The following MEA1 variants were observed in gnomAD, a reference collection of about 807,000 sequenced individuals.
MEA1 encodes the protein male-enhanced antigen 1.
A neutral mutation model predicts 21.4 loss-of-function variants in MEA1; 22 were observed. The ratio of observed to expected loss-of-function variants is 1.03; its 90% CI spans 0.73 to 1.47. The LOEUF (loss-of-function observed/expected upper bound fraction) is 1.47, where lower values mean the gene tolerates loss of function less well. Among genes scored for constraint, MEA1 ranks in the 40% most tolerant of loss-of-function variants. The pLI, the probability that MEA1 is intolerant of heterozygous loss-of-function variation, is 0.00. For missense variants in MEA1, 233 were observed against 230.5 expected, an observed-to-expected ratio of 1.01 and a Z score of -0.07; for synonymous variants, 91 against 85.5, an observed-to-expected ratio of 1.06 and a Z score of -0.35.
Position 43,013,232 on chromosome 6 carries a change from C to A in MEA1, c.186G>T (p.Gly62=), listed in dbSNP as rs1246275169. ...GGTAGGAGTAGCCAGCTGGGCCCGA[C>A]CCCGTTTCCTCCTGCTCTTCCTCAG... is the stretch of plus-strand genomic sequence containing the variant. ...EEPEEEQEET[G]SGPAGYSYQP... Residue 62 remains glycine (G), a synonymous_variant, in exon 2 of 4, where the codon GGG becomes GGT. Transcript: ENST00000244711. The A allele has an allele frequency of 2.5e-6, 4 of 1,614,176 alleles. No individual in the cohort carries two copies. In the South Asian group the frequency reaches 4.4e-5, roughly 18 times the overall value.
intron 1 of MEA1, 196 bp from the exon 2 acceptor site, chr6:43,013,585 G>T: frequency 1.2e-6 from 1 of 815,158 alleles, no homozygotes; most frequent in Admixed American, 2.8e-5. Context: ...CTTGAACCAG[G>T]CCCCACCAAC....
chr6:43,012,730 A>C, intron 3 of MEA1, 109 bp from the exon 4 acceptor site: 1 of 1,369,492 alleles, frequency 7.3e-7, no homozygotes, highest in Non-Finnish European at 9.9e-7. Flanking sequence ...CACCAAATCC[A>C]CCTTGTTACT....
In MEA1 at chr6:43,012,688, G is replaced by A. The variant is rs1362450307; in HGVS notation, c.407-67C>T. ...GGACCAGCTCCCCTCCCCAATCCCCGAATCAACCCAGAGCCCTTGGGCTGC... is the reference window on the plus strand; with the variant it reads ...GGACCAGCTCCCCTCCCCAATCCCCAAATCAACCCAGAGCCCTTGGGCTGC... On this transcript the variant is annotated intron_variant, in intron 3 of 3. Coordinates refer to ENST00000244711, the MANE Select transcript of MEA1 (RefSeq NM_014623.4). The A allele has an allele frequency of 2.1e-5, 32 of 1,509,710 alleles. No individual in the cohort carries two copies. In the East Asian group the frequency reaches 3.5e-4, roughly 16 times the overall value. The allele number at this position is 1,509,710 out of a possible 1,614,324, so 93.5% of individuals were successfully genotyped here. A position where few individuals can be genotyped will look rare whatever the true frequency, so the allele number is the denominator to read the frequency against.
At chr6:43,012,801 T>A in intron 3 of MEA1, 125 bp downstream of exon 3, 1 of 1,249,074 alleles carries the variant, frequency 8.0e-7, no homozygotes, top group South Asian at 1.3e-5. Context: ...GACTCTGAAG[T>A]CTACAAAATC....
rs1762482356 is a variant in MEA1, at chr6:43,013,914, G to A, written c.-101C>T. The A allele has an allele frequency of 4.7e-6, 7 of 1,485,674 alleles. No homozygotes were observed. The highest frequency in any genetic ancestry group is 6.3e-6 in the Non-Finnish European group (7 of 1,118,022). The allele number at this position is 1,485,674 out of a possible 1,614,324, so 92.0% of individuals were successfully genotyped here. A position where few individuals can be genotyped will look rare whatever the true frequency, so the allele number is the denominator to read the frequency against. ...GCGCCTCACCCGCTCAGAGCCCGCG[G>A]CCTCCACTTCCGGCGGGGCAGGACG... On this transcript the variant is annotated 5_prime_UTR_variant, in exon 1 of 4. Coordinates refer to ENST00000244711, the MANE Select transcript of MEA1 (RefSeq NM_014623.4).
Position 43,011,547 on chromosome 6 carries a change from C to T in MEA1, c.*923G>A, listed in dbSNP as rs1762351042. 1 of 529,662 alleles carries T rather than the reference C, an allele frequency of 1.9e-6. No individual in the cohort carries two copies. Among genetic ancestry groups the T allele is most frequent in the Non-Finnish European group, 3.4e-6 (1 of 294,930 alleles). 32.8% of individuals were successfully genotyped at this position (529,662 alleles called of 1,614,324 possible). On this transcript the variant is annotated 3_prime_UTR_variant, in exon 4 of 4. Coordinates refer to ENST00000244711, the MANE Select transcript of MEA1 (RefSeq NM_014623.4). ...GCTCAGACAACCTGGGGATGCCTGT[C>T]CCCTACCTGCTCCTCACCCACAGCT... is the stretch of plus-strand genomic sequence containing the variant.
upstream of MEA1, chr6:43,014,375 G>A (rs1417576984): frequency 1.6e-6 from 1 of 624,892 alleles, no homozygotes; most frequent in South Asian, 1.7e-5. Flanking sequence ...AGAAGGGCAA[G>A]GGAGAATTAG....
At position 43,013,851 on chromosome 6, in the gene MEA1, A is replaced by G; in HGVS notation, c.-38T>C. Reference sequence around the variant, plus strand: ...AATGGCCCCAGCTGCAGCGTCCCCCACCCGCCCCCATCCGAATCCCGGCGC... The same window carrying G: ...AATGGCCCCAGCTGCAGCGTCCCCCGCCCGCCCCCATCCGAATCCCGGCGC... On this transcript the variant is annotated 5_prime_UTR_variant, in exon 1 of 4. Transcript: ENST00000244711. The G allele has an allele frequency of 9.8e-7, 1 of 1,024,300 alleles. No homozygotes were observed. The highest frequency in any genetic ancestry group is 1.3e-6 in the Non-Finnish European group (1 of 795,106). 63.5% of individuals were successfully genotyped at this position (1,024,300 alleles called of 1,614,324 possible).
chr6:43,013,241 C>T lies in MEA1; in HGVS notation c.177G>A (p.Glu59=), dbSNP rs202235182. The T allele has an allele frequency of 1.2e-6, 2 of 1,614,188 alleles. No individual in the cohort carries two copies. Among genetic ancestry groups the T allele is most frequent in the South Asian group, 1.1e-5 (1 of 91,086 alleles). Residue 59 remains glutamate (E), a synonymous_variant, in exon 2 of 4, where the codon GAG becomes GAA. Transcript: ENST00000244711. ...AGCCAGCTGGGCCCGACCCCGTTTCCTCCTGCTCTTCCTCAGGCTCCTCAC... is the reference window on the plus strand; with the variant it reads ...AGCCAGCTGGGCCCGACCCCGTTTCTTCCTGCTCTTCCTCAGGCTCCTCAC... ...WSSEEPEEEQ[E]ETGSGPAGYS... is the part of the protein sequence containing the mutation.
chr6:43,013,226 G>T lies in MEA1; in HGVS notation c.192C>A (p.Gly64=). ...GGGGCTGGTAGGAGTAGCCAGCTGG[G>T]CCCGACCCCGTTTCCTCCTGCTCTT... ...PEEEQEETGS[G]PAGYSYQPLN... Residue 64 remains glycine (G), a synonymous_variant, in exon 2 of 4, where the codon GGC becomes GGA. Transcript: ENST00000244711. The T allele has an allele frequency of 6.2e-7, 1 of 1,614,098 alleles. No individual in the cohort carries two copies. Among genetic ancestry groups the T allele is most frequent in the Non-Finnish European group, 8.5e-7 (1 of 1,180,012 alleles).
Position 43,013,276 on chromosome 6 carries a change from C to G in MEA1, c.142G>C (p.Asp48His), listed in dbSNP as rs2150286955. The G allele has an allele frequency of 1.9e-6, 3 of 1,614,186 alleles. No individual in the cohort carries two copies. In the East Asian group the frequency reaches 6.7e-5, roughly 36 times the overall value. Residue 48 changes from aspartate to histidine, a missense_variant, in exon 2 of 4, where the codon GAT (aspartate) becomes CAT (histidine). Transcript: ENST00000244711. ...GHQGPSEGTGDWSSEEPEEEQ... is the reference protein window; with the variant it reads ...GHQGPSEGTGHWSSEEPEEEQ... Reference sequence around the variant, plus strand: ...TCCTCAGGCTCCTCACTGCTCCAATCCCCAGTGCCTTCTGAAGGGCCCTGA... The same window carrying G: ...TCCTCAGGCTCCTCACTGCTCCAATGCCCAGTGCCTTCTGAAGGGCCCTGA...
At chr6:43,013,450 C>A in intron 1 of MEA1, 61 bp from the exon 2 acceptor site, 1 of 1,560,038 alleles carries the variant, frequency 6.4e-7, no homozygotes, top group Non-Finnish European at 8.7e-7. Context: ...TCTTCATCCT[C>A]TCATCATCTC....
chr6:43,013,910 C>A lies in MEA1; in HGVS notation c.-97G>T. 6.7e-7 allele frequency: 1 copy of A among 1,487,054 alleles called. No homozygotes were observed. Among genetic ancestry groups the A allele is most frequent in the Non-Finnish European group, 8.9e-7 (1 of 1,118,562 alleles). 92.1% of individuals were successfully genotyped at this position (1,487,054 alleles called of 1,614,324 possible). Reference sequence around the variant, plus strand: ...CCGCGCGCCTCACCCGCTCAGAGCCCGCGGCCTCCACTTCCGGCGGGGCAG... The same window carrying A: ...CCGCGCGCCTCACCCGCTCAGAGCCAGCGGCCTCCACTTCCGGCGGGGCAG... On this transcript the variant is annotated 5_prime_UTR_variant, in exon 1 of 4. Coordinates refer to ENST00000244711, the MANE Select transcript of MEA1 (RefSeq NM_014623.4).
intron 1 of MEA1, 155 bp from the exon 2 acceptor site, chr6:43,013,544 G>C: frequency 1.1e-6 from 1 of 895,526 alleles, no homozygotes; most frequent in Non-Finnish European, 1.7e-6. Context: ...CCAGCCTCTC[G>C]TTCCTCCCCC....
At position 43,011,437 on chromosome 6, in the gene MEA1, A is replaced by AC; in HGVS notation, c.*1032dup. On this transcript the variant is annotated 3_prime_UTR_variant, in exon 4 of 4. Coordinates refer to ENST00000244711, the MANE Select transcript of MEA1 (RefSeq NM_014623.4). Reference sequence around the variant, plus strand: ...GGGGATGTGGGCACTTGAAGCAGGGACACCCACAGAATGGTCCCTCTTCTC... The same window carrying AC: ...GGGGATGTGGGCACTTGAAGCAGGGACCACCCACAGAATGGTCCCTCTTCTC... 9.4e-7 allele frequency: 1 copy of AC among 1,061,506 alleles called. No homozygotes were observed. Among genetic ancestry groups the AC allele is most frequent in the Non-Finnish European group, 1.3e-6 (1 of 747,308 alleles). 65.8% of individuals were successfully genotyped at this position (1,061,506 alleles called of 1,614,324 possible). A position where few individuals can be genotyped will look rare whatever the true frequency, so the allele number is the denominator to read the frequency against.
Position 43,011,619 on chromosome 6 carries a change from C to G in MEA1, c.*851G>C. 6.1e-6 allele frequency: 2 copies of G among 328,408 alleles called. No individual in the cohort carries two copies. The highest frequency in any genetic ancestry group is 8.2e-5 in the South Asian group (2 of 24,400). 20.3% of individuals were successfully genotyped at this position (328,408 alleles called of 1,614,324 possible). A position where few individuals can be genotyped will look rare whatever the true frequency, so the allele number is the denominator to read the frequency against. On this transcript the variant is annotated 3_prime_UTR_variant, in exon 4 of 4. Coordinates refer to ENST00000244711, the MANE Select transcript of MEA1 (RefSeq NM_014623.4). ...TACACACAGGAATACATACGCTCCT[C>G]TATTCTTCCCTTCATCCTCATTTGA...
upstream of MEA1, chr6:43,014,453 TG>T (rs1561857427): frequency 5.1e-6 from 1 of 197,026 alleles, no homozygotes; most frequent in Non-Finnish European, 1.0e-5. Context: ...GAGGTGGGGG[TG>T]GGGAGGGAGC....
In MEA1 at chr6:43,011,486, T is replaced by G. The variant is rs1762348740; in HGVS notation, c.*984A>C. 1.5e-6 allele frequency: 1 copy of G among 679,848 alleles called. No individual in the cohort carries two copies. The highest frequency in any genetic ancestry group is 2.4e-6 in the Non-Finnish European group (1 of 411,632). 42.1% of individuals were successfully genotyped at this position (679,848 alleles called of 1,614,324 possible). On this transcript the variant is annotated 3_prime_UTR_variant, in exon 4 of 4. Transcript: ENST00000244711. ...TCCCCAAAAGGTGTTCATGCCTCCC[T>G]GTGGCTAGTACAGGCTGAGCACTAA... is the stretch of plus-strand genomic sequence containing the variant.
chr6:43,013,728 C>T (rs1762466993), intron 1 of MEA1, 58 bp downstream of exon 1: 1 of 1,532,970 alleles, frequency 6.5e-7, no homozygotes, highest in Non-Finnish European at 9.0e-7. Flanking sequence ...TCAGACTCCC[C>T]TAAACAGGTC....
Sources: allele counts gnomAD v4.1 joint callset, GRCh38; gene constraint gnomAD v4.1.1; transcripts MANE v1.5; gene names NCBI Gene and HGNC (gene_info 2026-07-23, HGNC 2026-07-21).